KCNH7: variants seen among roughly 807,000 people sequenced by gnomAD.
KCNH7 encodes the protein potassium voltage-gated channel subfamily H member 7.
Under a neutral mutation model 120.8 loss-of-function variants are expected in KCNH7, and 49 were observed. That is an observed-to-expected ratio of 0.41 (90% CI 0.32 to 0.51). The LOEUF is 0.51. Among genes scored for constraint, KCNH7 ranks in the 20% least tolerant of loss-of-function variants. The probability of loss-of-function intolerance (pLI) is 0.38; values close to 1 mark genes in which losing one functional copy is unlikely to be tolerated. For synonymous variants in KCNH7, 547 were observed against 516.1 expected, an observed-to-expected ratio of 1.06 and a Z score of -0.81; for missense variants, 1,097 against 1,446.6, an observed-to-expected ratio of 0.76 and a Z score of 3.92.
At chr2:162,450,908 G>A (rs543701301) in intron 6 of KCNH7, among the ~76,000 whole-genome samples, 2 of 151,950 alleles carry the variant, frequency 1.3e-5, no homozygotes, top group Non-Finnish European at 2.9e-5. Context: ...ATTGAGAGGA[G>A]GGGATATATT....
At chr2:162,649,306 A>G (rs1290845948) in intron 2 of KCNH7, among the ~76,000 whole-genome samples, 1 of 152,134 alleles carries the variant, frequency 6.6e-6, no homozygotes, top group African/African-American at 2.4e-5. Flanking sequence ...ATGTCACAAG[A>G]CTTTTTGTTT....
intron 2 of KCNH7, among the ~76,000 whole-genome samples, chr2:162,687,843 T>C (rs1010867336): frequency 6.6e-6 from 1 of 152,166 alleles, no homozygotes; most frequent in African/African-American, 2.4e-5. Context: ...GGTTTCTAAG[T>C]AAAATGGCTC....
chr2:162,472,224 C>A (rs1451825003), intron 6 of KCNH7, among the ~76,000 whole-genome samples: 1 of 152,120 alleles, frequency 6.6e-6, no homozygotes, highest in Non-Finnish European at 1.5e-5. Flanking sequence ...CAACAAAAGC[C>A]AAAATTGACA....
In KCNH7 at chr2:162,372,073, T is replaced by C; in HGVS notation, c.3347A>G (p.Glu1116Gly). 2.5e-6 allele frequency: 4 copies of C among 1,612,814 alleles called. No homozygotes were observed. Among genetic ancestry groups the C allele is most frequent in the Admixed American group, 1.7e-5 (1 of 59,942 alleles). Reference sequence around the variant, plus strand: ...TTCTTTGGATTTAAGTTTAGATTTTTCAAGGTCTAGAAATTCAGGACACTG... The same window carrying C: ...TTCTTTGGATTTAAGTTTAGATTTTCCAAGGTCTAGAAATTCAGGACACTG... ...SSQCPEFLDL[E>G]KSKLKSKESL... The change falls in exon 16 of 16, where the codon GAA becomes GGA. Residue 1116 changes from glutamate (E) to glycine (G), a missense_variant. Glu to Gly is a moderately conservative substitution (Grantham distance 98). Coordinates refer to ENST00000332142, the MANE Select transcript of KCNH7 (RefSeq NM_033272.4).
intron 2 of KCNH7, among the ~76,000 whole-genome samples, chr2:162,618,342 T>A (rs1683220269): frequency 6.6e-6 from 1 of 152,008 alleles, no homozygotes; most frequent in Admixed American, 6.6e-5. Context: ...AATCAAATTA[T>A]TCTGGTAATC....
At chr2:162,579,944 G>T (rs1204722633) in intron 2 of KCNH7, among the ~76,000 whole-genome samples, 1 of 151,958 alleles carries the variant, frequency 6.6e-6, no homozygotes, top group Admixed American at 6.6e-5. Context: ...AGTATAACTT[G>T]TTTTCTTGGA....
chr2:162,422,354 A>G (rs1025274933), intron 9 of KCNH7, among the ~76,000 whole-genome samples: 1 of 152,152 alleles, frequency 6.6e-6, no homozygotes, highest in Admixed American at 6.5e-5. Context: ...GTACAGGCTC[A>G]CTTACACAAA....
intron 6 of KCNH7, among the ~76,000 whole-genome samples, chr2:162,457,563 T>G (rs1215390514): frequency 1.3e-5 from 2 of 152,310 alleles, no homozygotes; most frequent in East Asian, 3.9e-4. Context: ...ATTTATTCAA[T>G]GAAGATCTAC....
rs1250090350 is a variant in KCNH7 at position 162,615,618 on chromosome 2, T to C, written c.308-78538A>G. Reference sequence around the variant, plus strand: ...CACAGTATACAAATAGAAAGTATTATCTATTGTTACTTTTAATTATAATTA... The same window carrying C: ...CACAGTATACAAATAGAAAGTATTACCTATTGTTACTTTTAATTATAATTA... On this transcript the variant is annotated intron_variant, in intron 2 of 15. Transcript: ENST00000332142. 5.3e-5 allele frequency among the ~76,000 whole-genome samples: 8 copies of C among 152,288 alleles called. No individual in the cohort carries two copies. In the East Asian group the frequency reaches 1.4e-3, roughly 26 times the overall value.
At chr2:162,554,741 C>A (rs953838158) in intron 2 of KCNH7, among the ~76,000 whole-genome samples, 1 of 152,124 alleles carries the variant, frequency 6.6e-6, no homozygotes, top group Admixed American at 6.5e-5. Context: ...TCATAACGAC[C>A]CTATGATTAC....
At chr2:162,438,794 G>A (rs748799717) in intron 7 of KCNH7, among the ~76,000 whole-genome samples, 5 of 152,082 alleles carry the variant, frequency 3.3e-5, no homozygotes, top group African/African-American at 1.2e-4. Context: ...TGTAGATGAT[G>A]CTTAGGATTG....
intron 2 of KCNH7, among the ~76,000 whole-genome samples, chr2:162,579,628 T>C (rs1445109512): frequency 6.6e-6 from 1 of 151,992 alleles, no homozygotes; most frequent in African/African-American, 2.4e-5. Context: ...GCAGATAAAC[T>C]GCCCCTGCAG....
intron 2 of KCNH7, among the ~76,000 whole-genome samples, chr2:162,645,804 A>T (rs1684338332): frequency 6.6e-6 from 1 of 152,156 alleles, no homozygotes; most frequent in South Asian, 2.1e-4. Flanking sequence ...ATGAGGTCAC[A>T]CTGAGAGTTT....
chr2:162,772,978 C>A (rs1184007826), intron 2 of KCNH7, among the ~76,000 whole-genome samples: 1 of 152,136 alleles, frequency 6.6e-6, no homozygotes, highest in Non-Finnish European at 1.5e-5. Context: ...AGCTTTGCAC[C>A]CATCTTTTCC....
rs1422405033 is a variant in KCNH7, at chr2:162,371,924, T to C, written c.3496A>G (p.Ile1166Val). 11 of 1,613,790 alleles carry C rather than the reference T, an allele frequency of 6.8e-6. No individual in the cohort carries two copies. Among genetic ancestry groups the C allele is most frequent in the East Asian group, 2.2e-5 (1 of 44,850 alleles). Residue 1166 changes from isoleucine to valine, a missense_variant, in exon 16 of 16, where the codon ATT becomes GTT. Transcript: ENST00000332142. Reference protein sequence around the residue: ...LRQRKTYVHPIRHPSLPDSSL... With the variant: ...LRQRKTYVHPVRHPSLPDSSL... ...GAATCTGGCAAAGAAGGATGCCTAATTGGATGAACGTAAGTTTTTCTTTGC... is the reference window on the plus strand; with the variant it reads ...GAATCTGGCAAAGAAGGATGCCTAACTGGATGAACGTAAGTTTTTCTTTGC...
chr2:162,534,875 A>T (rs147497820), intron 3 of KCNH7, among the ~76,000 whole-genome samples: 1 of 151,838 alleles, frequency 6.6e-6, no homozygotes, highest in Non-Finnish European at 1.5e-5. Context: ...CGTTAAGAGA[A>T]CCCAACAACA....
intron 6 of KCNH7, among the ~76,000 whole-genome samples, chr2:162,477,074 T>G (rs1428252067): frequency 6.6e-6 from 1 of 152,224 alleles, no homozygotes; most frequent in African/African-American, 2.4e-5. Flanking sequence ...TTAAACTGAT[T>G]TTTAAAGATA....
At chr2:162,504,698 A>G (rs752487041) in intron 5 of KCNH7, 41 bp from the exon 6 acceptor site, 1 of 1,293,926 alleles carries the variant, frequency 7.7e-7, no homozygotes, top group Admixed American at 1.8e-5. Context: ...ATATAAGAAG[A>G]TATAGAAGAA....
intron 2 of KCNH7, among the ~76,000 whole-genome samples, chr2:162,747,346 C>T (rs768624193): frequency 2.6e-5 from 4 of 152,120 alleles, no homozygotes; most frequent in Non-Finnish European, 5.9e-5. Flanking sequence ...CCATCAAGAA[C>T]TTTGATCTGT....
Sources: allele counts gnomAD v4.1 joint callset (sites outside exome capture counted in the v4.1 genomes callset), GRCh38; gene constraint gnomAD v4.1.1; transcripts MANE v1.5; gene names NCBI Gene and HGNC (gene_info 2026-07-23, HGNC 2026-07-21).